FRY: variants seen among roughly 807,000 people sequenced by gnomAD.
FRY encodes the protein FRY microtubule binding protein, also known as protein furry homolog.
In FRY, 128 loss-of-function variants were observed where a neutral mutation model predicts 348.4. The observed-to-expected ratio is 0.37, with a 90% CI of 0.32 to 0.43. The LOEUF (loss-of-function observed/expected upper bound fraction) is 0.43, where lower values mean the gene tolerates loss of function less well. Among genes scored for constraint, FRY ranks in the 20% least tolerant of loss-of-function variants. FRY has a pLI of 1.00. For missense variants in FRY, 2,736 were observed against 3,695.2 expected, an observed-to-expected ratio of 0.74 and a Z score of 6.73; for synonymous variants, 1,370 against 1,374.7, an observed-to-expected ratio of 1.00 and a Z score of 0.08.
At chr13:32,034,489 T>C (rs1038002865) in intron 1 of FRY, among the ~76,000 whole-genome samples, 2 of 152,198 alleles carry the variant, frequency 1.3e-5, no homozygotes, top group African/African-American at 4.8e-5. Flanking sequence ...GGCCTTGATG[T>C]CTGGAAATAA....
At chr13:32,251,589 TTTACATTGTCTAATAGTTACCC>T (rs369447073) in intron 49 of FRY, among the ~76,000 whole-genome samples, 1,720 of 152,252 alleles carry the variant, frequency 0.011, 23 homozygotes, top group African/African-American at 0.04. Flanking sequence ...TGAGCTTCAT[TTTACATTGTCTAATAGTTACCC>T]TTAAAAAAAA....
At chr13:32,208,480 C>T (rs1884486637) in intron 31 of FRY, among the ~76,000 whole-genome samples, 1 of 152,226 alleles carries the variant, frequency 6.6e-6, no homozygotes. Context: ...AAGTAACTAG[C>T]CCAGAGTCAC....
At chr13:32,249,457 T>G (rs897466796) in intron 48 of FRY, 69 bp from the exon 49 acceptor site, 2 of 1,550,278 alleles carry the variant, frequency 1.3e-6, no homozygotes, top group Non-Finnish European at 1.8e-6. Context: ...TGGTTGCTTC[T>G]GGGGAGAAGG....
chr13:32,107,594 C>T (rs1206252785), intron 3 of FRY, among the ~76,000 whole-genome samples: 5 of 152,072 alleles, frequency 3.3e-5, no homozygotes, highest in African/African-American at 1.2e-4. Context: ...AGCATTATGC[C>T]AACTCATGGA....
Position 32,261,832 on chromosome 13 carries a change from C to T in FRY, c.7617+16C>T. On this transcript the variant is annotated intron_variant, in intron 52 of 60. Coordinates refer to ENST00000542859, the MANE Select transcript of FRY (RefSeq NM_023037.3). The stretch of plus-strand genomic sequence containing the variant: ...CTCAGACCTAGTAAGTAGCGGCTCT[C>T]CCACTCTAAGAATTGGGAGGCTTAT... 1 of 1,611,054 alleles carries T rather than the reference C, an allele frequency of 6.2e-7. No individual in the cohort carries two copies. Among genetic ancestry groups the T allele is most frequent in the Non-Finnish European group, 8.5e-7 (1 of 1,177,238 alleles).
At chr13:32,132,213 C>G (rs920922033) in intron 8 of FRY, among the ~76,000 whole-genome samples, 2 of 148,484 alleles carry the variant, frequency 1.3e-5, no homozygotes, top group African/African-American at 5.0e-5. Flanking sequence ...ATAAAGAAAT[C>G]TGTTTTATTC....
chr13:32,085,663 C>G (rs1456151987), intron 2 of FRY, among the ~76,000 whole-genome samples: 1 of 152,168 alleles, frequency 6.6e-6, no homozygotes, highest in Non-Finnish European at 1.5e-5. Context: ...GTCCTCATCA[C>G]CACCCTCCTC....
intron 35 of FRY, 94 bp from the exon 36 acceptor site, chr13:32,218,655 G>C (rs1462780099): frequency 2.8e-6 from 2 of 706,038 alleles, no homozygotes; most frequent in South Asian, 1.5e-5. Flanking sequence ...GTGCAGCCTG[G>C]TGACAGAGTG....
intron 1 of FRY, 116 bp downstream of exon 1, chr13:32,031,981 TTTC>T: frequency 1.7e-6 from 1 of 589,730 alleles, no homozygotes; most frequent in East Asian, 2.8e-5. Context: ...TTTTTCTTTT[TTTC>T]TTTTCTTTTC....
At chr13:32,085,119 C>T (rs1875772736) in intron 2 of FRY, among the ~76,000 whole-genome samples, 1 of 152,120 alleles carries the variant, frequency 6.6e-6, no homozygotes. Flanking sequence ...GATGAATGCC[C>T]TAAAATGTGC....
At chr13:32,252,528 A>G (rs955709743) in intron 50 of FRY, among the ~76,000 whole-genome samples, 1 of 152,242 alleles carries the variant, frequency 6.6e-6, no homozygotes, top group African/African-American at 2.4e-5. Context: ...TTTAGAAAAA[A>G]TTGAATTAGG....
At chr13:32,240,499 A>T (rs951124786) in intron 46 of FRY, among the ~76,000 whole-genome samples, 4 of 152,310 alleles carry the variant, frequency 2.6e-5, no homozygotes, top group South Asian at 4.1e-4. Flanking sequence ...GTTTGTTTTT[A>T]AAACTGGAAT....
intron 1 of FRY, among the ~76,000 whole-genome samples, 178 bp downstream of exon 1, chr13:32,032,043 C>CT (rs1165570110): frequency 7.3e-6 from 1 of 136,878 alleles, no homozygotes. Context: ...TTCTTTCTTT[C>CT]TTTTTTTGCT....
At chr13:32,151,718 G>A (rs1566099367) in intron 14 of FRY, among the ~76,000 whole-genome samples, 1 of 152,194 alleles carries the variant, frequency 6.6e-6, no homozygotes, top group Admixed American at 6.5e-5. Flanking sequence ...AGACTTGCTG[G>A]TCTGTGAGAA....
chr13:32,130,191 C>T (rs1403301878), intron 7 of FRY, among the ~76,000 whole-genome samples: 2 of 151,746 alleles, frequency 1.3e-5, no homozygotes, highest in African/African-American at 2.4e-5. Flanking sequence ...CTCACGCACA[C>T]CACCACGCCC....
At chr13:32,213,499 C>A (rs957898818) in intron 35 of FRY, among the ~76,000 whole-genome samples, 5 of 152,222 alleles carry the variant, frequency 3.3e-5, no homozygotes, top group African/African-American at 1.2e-4. Flanking sequence ...CCTTTTATTT[C>A]TTTCTCAGGA....
chr13:32,060,810 G>A, intron 1 of FRY: 1 of 286,352 alleles, frequency 3.5e-6, no homozygotes, highest in Admixed American at 4.3e-5. Context: ...AGACATACGG[G>A]CACTCTGTGA....
chr13:32,292,276 C>A (rs1186538268), intron 59 of FRY, among the ~76,000 whole-genome samples: 1 of 152,166 alleles, frequency 6.6e-6, no homozygotes, highest in Non-Finnish European at 1.5e-5. Flanking sequence ...AACCACCACA[C>A]CCGGCCCAAA....
chr13:32,134,544 A>G (rs942841900), intron 8 of FRY, among the ~76,000 whole-genome samples: 1 of 152,222 alleles, frequency 6.6e-6, no homozygotes, highest in African/African-American at 2.4e-5. Context: ...CTAGGAGCCC[A>G]GGGCCTAACA....
Sources: gnomAD v4.1 joint callset for allele counts (sites outside exome capture counted in the v4.1 genomes callset) on GRCh38, gnomAD v4.1.1 for gene constraint, MANE v1.5 for transcripts, NCBI Gene and HGNC (gene_info 2026-07-23, HGNC 2026-07-21) for gene names.